Variants in LRP1B observed in about 807,000 individuals in gnomAD.
The protein encoded by LRP1B is low-density lipoprotein receptor-related protein 1B.
LRP1B carries 217 observed loss-of-function variants against 556.6 expected under a neutral mutation model. The observed-to-expected ratio is 0.39, with a 90% confidence interval of 0.35 to 0.44. LRP1B has a LOEUF of 0.44. Ranked by LOEUF, LRP1B falls within the 20% of genes least tolerant of loss-of-function variation. LRP1B has a pLI of 1.00. For missense variants in LRP1B, 5,053 were observed against 5,620.8 expected (o/e 0.90, Z 3.23); for synonymous variants, 2,047 against 1,865.8 (o/e 1.10, Z -2.50).
At chr2:141,195,776 C>G (rs16845587) in intron 6 of LRP1B, among the ~76,000 whole-genome samples, 41,264 of 152,002 alleles carry the variant, frequency 0.27, 6,399 homozygotes, top group East Asian at 0.66. Flanking sequence ...GGGACACAAC[C>G]AAGGCCTGGA....
chr2:140,932,151 T>C (rs946940027), intron 20 of LRP1B, among the ~76,000 whole-genome samples: 2 of 152,144 alleles, frequency 1.3e-5, no homozygotes, highest in African/African-American at 2.4e-5. Flanking sequence ...ATGGAGAATA[T>C]AATTTAAAAA....
intron 3 of LRP1B, among the ~76,000 whole-genome samples, chr2:141,434,369 G>T (rs1279173355): frequency 6.6e-6 from 1 of 152,016 alleles, no homozygotes; most frequent in Non-Finnish European, 1.5e-5. Context: ...CAAATCTACT[G>T]TTGAGCTCCT....
At chr2:141,239,754 G>A (rs148222442) in intron 5 of LRP1B, among the ~76,000 whole-genome samples, 41 of 152,078 alleles carry the variant, frequency 2.7e-4, no homozygotes, top group African/African-American at 8.7e-4. Context: ...AAGGAAATAT[G>A]AAATAAGATC....
intron 66 of LRP1B, among the ~76,000 whole-genome samples, chr2:140,391,515 A>G (rs924020393): frequency 6.6e-6 from 1 of 152,138 alleles, no homozygotes; most frequent in Non-Finnish European, 1.5e-5. Flanking sequence ...TGTGTACTTC[A>G]TTTTGTTTTA....
intron 7 of LRP1B, among the ~76,000 whole-genome samples, chr2:141,139,045 G>T (rs1322192272): frequency 1.3e-5 from 2 of 151,812 alleles, no homozygotes; most frequent in African/African-American, 4.8e-5. Flanking sequence ...TAAATCTATA[G>T]CTAAATGAAT....
At chr2:140,403,317 GTTGT>G (rs1684588712) in intron 66 of LRP1B, among the ~76,000 whole-genome samples, 1 of 152,024 alleles carries the variant, frequency 6.6e-6, no homozygotes, top group Non-Finnish European at 1.5e-5. Context: ...AATTCAGAAG[GTTGT>G]TTATTAAGCT....
intron 60 of LRP1B, among the ~76,000 whole-genome samples, chr2:140,459,792 T>G (rs1687243247): frequency 6.6e-6 from 1 of 152,112 alleles, no homozygotes; most frequent in Middle Eastern, 3.2e-3. Context: ...GATTGGATCA[T>G]GGGGGCGGAT....
intron 25 of LRP1B, among the ~76,000 whole-genome samples, chr2:140,882,150 A>G (rs891370479): frequency 2.6e-5 from 4 of 152,136 alleles, no homozygotes; most frequent in Non-Finnish European, 5.9e-5. Flanking sequence ...TTTATTCAGA[A>G]AGTTTCCCTT....
intron 2 of LRP1B, among the ~76,000 whole-genome samples, chr2:141,626,136 A>G (rs1688694329): frequency 6.6e-6 from 1 of 152,164 alleles, no homozygotes; most frequent in East Asian, 1.9e-4. Flanking sequence ...AATAAATTAT[A>G]AGAGATCCCA....
chr2:140,376,998 A>C (rs1017731915), intron 68 of LRP1B, among the ~76,000 whole-genome samples: 2 of 152,178 alleles, frequency 1.3e-5, no homozygotes, highest in African/African-American at 2.4e-5. Flanking sequence ...AGGTGAGTAC[A>C]TATGCTTCTC....
chr2:140,668,309 C>CAAAAAAA (rs560180473), intron 41 of LRP1B, among the ~76,000 whole-genome samples: 12 of 59,672 alleles, frequency 2.0e-4, no homozygotes, highest in African/African-American at 3.7e-4. Flanking sequence ...GACTCCGTCT[C>CAAAAAAA]AAAAAAAAAA....
At chr2:140,592,187 AT>A (rs1418065534) in intron 43 of LRP1B, among the ~76,000 whole-genome samples, 1 of 152,198 alleles carries the variant, frequency 6.6e-6, no homozygotes, top group Admixed American at 6.5e-5. Flanking sequence ...CAGATATAAT[AT>A]AAAATTTTAT....
At chr2:141,447,973 C>A (rs1457274468) in intron 3 of LRP1B, among the ~76,000 whole-genome samples, 4 of 152,230 alleles carry the variant, frequency 2.6e-5, no homozygotes, top group Non-Finnish European at 5.9e-5. Flanking sequence ...GTCTTCAGAG[C>A]TGGTAGGCAG....
chr2:141,276,503 T>C (rs1023872156), intron 3 of LRP1B, among the ~76,000 whole-genome samples: 13 of 152,222 alleles, frequency 8.5e-5, no homozygotes, highest in African/African-American at 3.1e-4. Flanking sequence ...TGTGTCCATA[T>C]GTACTCAATG....
At chr2:140,702,625 A>G in intron 37 of LRP1B, 72 bp from the exon 38 acceptor site, 1 of 1,398,760 alleles carries the variant, frequency 7.1e-7, no homozygotes, top group East Asian at 2.3e-5. Flanking sequence ...GCAAAAAGAC[A>G]TTACTAATAA....
intron 1 of LRP1B, among the ~76,000 whole-genome samples, chr2:142,027,431 G>A (rs1207370411): frequency 2.0e-5 from 3 of 151,258 alleles, no homozygotes; most frequent in Non-Finnish European, 2.9e-5. Context: ...TATAAATATG[G>A]TAATTGGACA....
At chr2:141,496,333 C>A (rs1214359656) in intron 2 of LRP1B, among the ~76,000 whole-genome samples, 1 of 151,766 alleles carries the variant, frequency 6.6e-6, no homozygotes, top group African/African-American at 2.4e-5. Context: ...TCTTAAAGTG[C>A]CGATTATGAT....
intron 72 of LRP1B, among the ~76,000 whole-genome samples, chr2:140,362,278 A>G (rs1682549015): frequency 6.6e-6 from 1 of 151,598 alleles, no homozygotes; most frequent in Admixed American, 6.6e-5. Context: ...AAAATTTAGA[A>G]TCCCCAAGGT....
At chr2:140,755,900 T>C (rs1000254336) in intron 35 of LRP1B, among the ~76,000 whole-genome samples, 3 of 151,910 alleles carry the variant, frequency 2.0e-5, no homozygotes, top group Non-Finnish European at 4.4e-5. Flanking sequence ...GCACCTAAGT[T>C]GGAAATGAAG....
Sources: allele counts gnomAD v4.1 joint callset (sites outside exome capture counted in the v4.1 genomes callset), GRCh38; gene constraint gnomAD v4.1.1; transcripts MANE v1.5; gene names NCBI Gene and HGNC (gene_info 2026-07-23, HGNC 2026-07-21).